The following TMEM132C variants were observed in gnomAD, a reference collection of about 807,000 sequenced individuals.
TMEM132C encodes the protein transmembrane protein 132C.
In TMEM132C, 29 loss-of-function variants were observed where a neutral mutation model predicts 61.4. That is an observed-to-expected ratio of 0.47 (90% confidence interval 0.35 to 0.64). TMEM132C has a LOEUF of 0.64. TMEM132C is among the 30% of genes least tolerant of loss of function. The probability of loss-of-function intolerance (pLI) is 0.00; values close to 1 mark genes in which losing one functional copy is unlikely to be tolerated. For synonymous variants in TMEM132C, 656 were observed against 633.1 expected, an observed-to-expected ratio of 1.04 and a Z score of -0.54; for missense variants, 1,408 against 1,476.9, an observed-to-expected ratio of 0.95 and a Z score of 0.76.
In TMEM132C at chr12:128,706,346, T is replaced by C. The variant is rs927412520; in HGVS notation, c.*51T>C. The C allele has an allele frequency of 6.9e-7, 1 of 1,454,760 alleles. No individual in the cohort carries two copies. Among genetic ancestry groups the C allele is most frequent in the Non-Finnish European group, 9.0e-7 (1 of 1,105,660 alleles). The allele number at this position is 1,454,760 out of a possible 1,614,324, so 90.1% of individuals were successfully genotyped here. On this transcript the variant is annotated 3_prime_UTR_variant, in exon 9 of 9. Coordinates refer to ENST00000435159, the MANE Select transcript of TMEM132C (RefSeq NM_001136103.3). ...CAGATGCCTTCCTTGTACTGGAAAC[T>C]GGCCCAAGTGGGGCAGAAGGCGTTG...
intron 2 of TMEM132C, among the ~76,000 whole-genome samples, chr12:128,441,677 G>C (rs1869791293): frequency 6.6e-6 from 1 of 152,192 alleles, no homozygotes; most frequent in Non-Finnish European, 1.5e-5. Context: ...CCAGGAACTG[G>C]TGTTGGAGGC....
intron 5 of TMEM132C, among the ~76,000 whole-genome samples, chr12:128,679,271 A>C (rs1257858243): frequency 6.6e-6 from 1 of 152,200 alleles, no homozygotes; most frequent in Non-Finnish European, 1.5e-5. Flanking sequence ...TTATTTAATC[A>C]CTGGGAGGCT....
intron 4 of TMEM132C, among the ~76,000 whole-genome samples, chr12:128,639,403 G>GTGA (rs761243435): frequency 1.8e-4 from 26 of 148,422 alleles, no homozygotes; most frequent in Non-Finnish European, 3.7e-4. Flanking sequence ...AATGATGATG[G>GTGA]TGATGATGAT....
intron 1 of TMEM132C, among the ~76,000 whole-genome samples, chr12:128,269,511 G>A (rs1373537790): frequency 6.6e-6 from 1 of 152,172 alleles, no homozygotes; most frequent in Non-Finnish European, 1.5e-5. Flanking sequence ...ACAAGGGAAA[G>A]TGCTGAAAAC....
chr12:128,461,009 G>A (rs980014986), intron 2 of TMEM132C, among the ~76,000 whole-genome samples: 1 of 152,110 alleles, frequency 6.6e-6, no homozygotes, highest in Admixed American at 6.5e-5. Context: ...GGACTTCTTT[G>A]TGTTGTTTTT....
intron 7 of TMEM132C, 142 bp from the exon 8 acceptor site, chr12:128,697,082 A>G (rs1181347943): frequency 9.6e-6 from 6 of 626,146 alleles, no homozygotes; most frequent in Non-Finnish European, 1.5e-5. Context: ...GGGCCAGCAT[A>G]TAGAGTGAAG....
intron 8 of TMEM132C, among the ~76,000 whole-genome samples, chr12:128,704,501 A>G (rs1954823053): frequency 6.6e-6 from 1 of 152,170 alleles, no homozygotes; most frequent in Admixed American, 6.5e-5. Flanking sequence ...ATGGCTCAAC[A>G]GGGTCAACCT....
intron 4 of TMEM132C, among the ~76,000 whole-genome samples, chr12:128,658,551 G>C (rs1245445499): frequency 6.6e-6 from 1 of 152,042 alleles, no homozygotes; most frequent in Non-Finnish European, 1.5e-5. Context: ...CTTTGGAGCA[G>C]GCAGTATGGT....
chr12:128,308,752 C>T (rs201662225), intron 1 of TMEM132C, among the ~76,000 whole-genome samples: 2 of 152,110 alleles, frequency 1.3e-5, no homozygotes, highest in Non-Finnish European at 2.9e-5. Context: ...AGCTGAGCAC[C>T]GTGCACAAGG....
At chr12:128,451,891 C>T (rs1013768486) in intron 2 of TMEM132C, among the ~76,000 whole-genome samples, 1 of 151,936 alleles carries the variant, frequency 6.6e-6, no homozygotes, top group Non-Finnish European at 1.5e-5. Context: ...GGAGCTTACA[C>T]TTTATGGGTA....
At chr12:128,442,351 T>G (rs1033059006) in intron 2 of TMEM132C, among the ~76,000 whole-genome samples, 2 of 152,222 alleles carry the variant, frequency 1.3e-5, no homozygotes, top group South Asian at 4.1e-4. Flanking sequence ...ACATGCAGTT[T>G]GCAGATGCTG....
At chr12:128,554,561 G>T (rs1386577938) in intron 3 of TMEM132C, among the ~76,000 whole-genome samples, 1 of 152,186 alleles carries the variant, frequency 6.6e-6, no homozygotes, top group Non-Finnish European at 1.5e-5. Flanking sequence ...TGCAAAAGTG[G>T]CCTGTTTGAG....
Position 128,514,439 on chromosome 12 carries a change from T to C in TMEM132C, c.975-29518T>C, listed in dbSNP as rs114232328. Among the ~76,000 whole-genome samples the C allele has an allele frequency of 4.6e-3, 695 of 152,270 alleles. 4 individuals carry two copies. The highest frequency in any genetic ancestry group is 0.016 in the African/African-American group (664 of 41,554). On this transcript the variant is annotated intron_variant, in intron 2 of 8. Coordinates refer to ENST00000435159, the MANE Select transcript of TMEM132C (RefSeq NM_001136103.3). ...AGTGAGTAATTTGCCCAAGGCCAGA[T>C]ACTGGACTTTCTTACATTTATTTCA... is the stretch of plus-strand genomic sequence containing the variant.
At position 128,705,462 on chromosome 12, in the gene TMEM132C, G is replaced by A. The variant is rs527312987; in HGVS notation, c.2494G>A (p.Glu832Lys). 134 of 1,551,140 alleles carry A rather than the reference G, an allele frequency of 8.6e-5. No homozygotes were observed. Among genetic ancestry groups the A allele is most frequent in the Non-Finnish European group, 2.0e-5 (23 of 1,146,944 alleles). ...SDRRQKGQHHERTGQDGHLYG... is the reference protein window; with the variant it reads ...SDRRQKGQHHKRTGQDGHLYG... Reference sequence around the variant, plus strand: ...CCGCCGGCAGAAGGGCCAGCACCATGAGCGCACAGGCCAAGATGGGCACCT... The same window carrying A: ...CCGCCGGCAGAAGGGCCAGCACCATAAGCGCACAGGCCAAGATGGGCACCT... The change falls in exon 9 of 9, where the codon GAG (glutamate) becomes AAG (lysine). Residue 832 changes from glutamate (E) to lysine (K), a missense_variant. Physicochemically the swap from Glu to Lys is moderately conservative, Grantham distance 56. Transcript: ENST00000435159.
intron 1 of TMEM132C, among the ~76,000 whole-genome samples, chr12:128,387,577 C>T (rs868559754): frequency 1.3e-5 from 2 of 152,060 alleles, no homozygotes; most frequent in African/African-American, 2.4e-5. Context: ...TTTGGGAGGC[C>T]GAGGCGGGTG....
intron 1 of TMEM132C, among the ~76,000 whole-genome samples, chr12:128,372,255 A>G (rs1433003547): frequency 6.6e-6 from 1 of 152,208 alleles, no homozygotes; most frequent in East Asian, 1.9e-4. Context: ...TACAACAGCT[A>G]CCACAAGATC....
At chr12:128,347,634 G>A (rs1873209642) in intron 1 of TMEM132C, among the ~76,000 whole-genome samples, 1 of 152,148 alleles carries the variant, frequency 6.6e-6, no homozygotes, top group Non-Finnish European at 1.5e-5. Flanking sequence ...CTCCATGTTG[G>A]TCAGGCTGGT....
At chr12:128,656,331 G>A (rs530903149) in intron 4 of TMEM132C, among the ~76,000 whole-genome samples, 97 of 152,292 alleles carry the variant, frequency 6.4e-4, no homozygotes, top group African/African-American at 1.9e-3. Flanking sequence ...GATTACAGAC[G>A]TGAGCCACTG....
Position 128,696,091 on chromosome 12 carries a change from G to T in TMEM132C, c.1917G>T (p.Met639Ile). 1 of 1,551,482 alleles carries T rather than the reference G, an allele frequency of 6.4e-7. No homozygotes were observed. Among genetic ancestry groups the T allele is most frequent in the Non-Finnish European group, 8.7e-7 (1 of 1,146,900 alleles). The change falls in exon 7 of 9, where the codon ATG becomes ATT. Residue 639 changes from methionine to isoleucine, a missense_variant. By Grantham distance (10) the Met-to-Ile change is conservative. Transcript: ENST00000435159. ...SRVLVGREVG[M>I]TTIQVLSPLS... Reference sequence around the variant, plus strand: ...TCCTGGTTGGGCGAGAGGTTGGGATGACGACCATCCAGGTAGGAAGCTGGG... The same window carrying T: ...TCCTGGTTGGGCGAGAGGTTGGGATTACGACCATCCAGGTAGGAAGCTGGG...
Sources: gnomAD v4.1 joint callset for allele counts (sites outside exome capture counted in the v4.1 genomes callset) on GRCh38, gnomAD v4.1.1 for gene constraint, MANE v1.5 for transcripts, NCBI Gene and HGNC (gene_info 2026-07-23, HGNC 2026-07-21) for gene names.